The following SCLT1 variants were observed in gnomAD, a reference collection of about 807,000 sequenced individuals.
SCLT1 encodes the protein sodium channel and clathrin linker 1.
A neutral mutation model predicts 112.8 loss-of-function variants in SCLT1; 78 were observed. That is an observed-to-expected ratio of 0.69 (90% CI 0.58 to 0.83). SCLT1 has a LOEUF of 0.83. Among genes scored for constraint, SCLT1 ranks in the 40% least tolerant of loss-of-function variants. SCLT1 has a pLI of 0.00. For synonymous variants in SCLT1, 257 were observed against 254.7 expected, an observed-to-expected ratio of 1.01 and a Z score of -0.09; for missense variants, 747 against 770.4, an observed-to-expected ratio of 0.97 and a Z score of 0.36.
At position 129,024,719 on chromosome 4, in the gene SCLT1, GAGA is replaced by G. The variant is rs1210182795; in HGVS notation, c.290+14319_290+14321del. ...ACAGAGAATGACTTTGACGAGTTGA[GAGA>G]AGAAGGCTTCAGATGATCAAACTAC... On this transcript the variant is annotated intron_variant, in intron 5 of 20. Coordinates refer to ENST00000281142, the MANE Select transcript of SCLT1 (RefSeq NM_144643.4). 3.9e-5 allele frequency among the ~76,000 whole-genome samples: 6 copies of G among 152,288 alleles called. No homozygotes were observed. In the East Asian group the frequency reaches 7.7e-4, roughly 20 times the overall value.
intron 2 of SCLT1, among the ~76,000 whole-genome samples, chr4:129,052,856 G>C (rs755402389): frequency 2.6e-5 from 4 of 152,052 alleles, no homozygotes; most frequent in Non-Finnish European, 4.4e-5. Flanking sequence ...GCTTACTCTT[G>C]TGGGCATTTG....
chr4:129,037,565 G>A (rs988991664), intron 5 of SCLT1: 1 of 152,098 alleles, frequency 6.6e-6, no homozygotes, highest in Non-Finnish European at 1.5e-5. Flanking sequence ...TAATAGGGAT[G>A]GTGGTAGCAC....
At chr4:128,970,529 G>T in intron 9 of SCLT1, 61 bp from the exon 10 acceptor site, 1 of 900,284 alleles carries the variant, frequency 1.1e-6, no homozygotes, top group Non-Finnish European at 1.8e-6. Flanking sequence ...TAAAAAATTA[G>T]AATAGAAATC....
At chr4:128,909,250 A>G (rs1182402919) in intron 18 of SCLT1, among the ~76,000 whole-genome samples, 3 of 151,874 alleles carry the variant, frequency 2.0e-5, no homozygotes, top group Non-Finnish European at 4.4e-5. Flanking sequence ...GCTTATTTTA[A>G]ATTTTCTTTC....
chr4:128,922,048 C>T lies in SCLT1; in HGVS notation c.1829+14607G>A, dbSNP rs113186492. ...CGGCCAACAAGCATATGAAAAAATG[C>T]CCAACATCACTGATCATTAGAGAAA... On this transcript the variant is annotated intron_variant, in intron 18 of 20. Transcript: ENST00000281142. 5.6e-3 allele frequency among the ~76,000 whole-genome samples: 851 copies of T among 152,154 alleles called. 15 individuals are homozygous for T. Among genetic ancestry groups the T allele is most frequent in the African/African-American group, 0.019 (799 of 41,516 alleles).
intron 6 of SCLT1, among the ~76,000 whole-genome samples, chr4:129,000,223 T>G (rs927986380): frequency 6.6e-6 from 1 of 151,790 alleles, no homozygotes; most frequent in South Asian, 2.1e-4. Flanking sequence ...CAGGAGAAAA[T>G]CAGAATCACC....
At chr4:129,059,777 TTC>T (rs1749783429) in intron 2 of SCLT1, among the ~76,000 whole-genome samples, 1 of 152,196 alleles carries the variant, frequency 6.6e-6, no homozygotes, top group Non-Finnish European at 1.5e-5. Context: ...CTTTAGAATT[TTC>T]TCTTTGTCTT....
intron 9 of SCLT1, among the ~76,000 whole-genome samples, chr4:128,976,623 A>G (rs776399742): frequency 6.6e-6 from 1 of 152,212 alleles, no homozygotes. Context: ...ATAGCGCTAT[A>G]GTAATCTTGA....
In SCLT1 at chr4:129,051,634, A is replaced by G. The variant is rs367702877; in HGVS notation, c.103-7583T>C. ...CTTAAAGAGATTTTGGGCTGAGACG[A>G]TGGGGTTTTCTAAATATATAATCAT... is the stretch of plus-strand genomic sequence containing the variant. On this transcript the variant is annotated intron_variant, in intron 2 of 20. Coordinates refer to ENST00000281142, the MANE Select transcript of SCLT1 (RefSeq NM_144643.4). 5.6e-4 allele frequency among the ~76,000 whole-genome samples: 85 copies of G among 152,288 alleles called. No homozygotes were observed. In the East Asian group the frequency reaches 0.016, roughly 28 times the overall value.
chr4:129,016,806 A>T (rs1160773373), intron 5 of SCLT1, among the ~76,000 whole-genome samples: 1 of 152,146 alleles, frequency 6.6e-6, no homozygotes, highest in Non-Finnish European at 1.5e-5. Context: ...CCTTTGCCTT[A>T]TAAGTTTTTC....
chr4:128,955,531 G>A (rs1163817919), intron 13 of SCLT1, among the ~76,000 whole-genome samples: 1 of 152,098 alleles, frequency 6.6e-6, no homozygotes, highest in Non-Finnish European at 1.5e-5. Context: ...ACAGAAATAT[G>A]TGACAATTTA....
chr4:129,020,772 T>G (rs1395176639), intron 5 of SCLT1, among the ~76,000 whole-genome samples: 2 of 152,198 alleles, frequency 1.3e-5, no homozygotes, highest in African/African-American at 2.4e-5. Flanking sequence ...GATCCAGGTA[T>G]GAATATATGT....
intron 2 of SCLT1, among the ~76,000 whole-genome samples, chr4:129,064,498 TAA>T (rs2125739379): frequency 6.6e-6 from 1 of 152,296 alleles, no homozygotes; most frequent in South Asian, 2.1e-4. Flanking sequence ...CATTTTCGTA[TAA>T]GTTTTGAGAT....
chr4:129,058,198 T>C (rs1311961335), intron 2 of SCLT1, among the ~76,000 whole-genome samples: 7 of 152,232 alleles, frequency 4.6e-5, no homozygotes, highest in African/African-American at 1.4e-4. Flanking sequence ...ATCTTTTGTA[T>C]TGGTTTTTTA....
chr4:129,024,637 A>G (rs559611681), intron 5 of SCLT1, among the ~76,000 whole-genome samples: 1 of 152,338 alleles, frequency 6.6e-6, no homozygotes, highest in Admixed American at 6.5e-5. Flanking sequence ...TAAAAAGCAG[A>G]GCGACTCTCC....
intron 11 of SCLT1, among the ~76,000 whole-genome samples, chr4:128,961,962 T>A (rs1237139874): frequency 6.6e-6 from 1 of 152,214 alleles, no homozygotes; most frequent in Non-Finnish European, 1.5e-5. Context: ...GAGGCAGGAT[T>A]TTTTTCTATT....
At chr4:129,053,583 T>TTTTTTTTTTTTTTTTTTTTTTTTC (rs1749054741) in intron 2 of SCLT1, among the ~76,000 whole-genome samples, 1 of 115,308 alleles carries the variant, frequency 8.7e-6, no homozygotes. Context: ...TTTTTTTTTT[T>TTTTTTTTTTTTTTTTTTTTTTTTC]TTTTTTTGCT....
In SCLT1 at chr4:128,891,098, C is replaced by T; in HGVS notation, c.1869G>A (p.Leu623=). ...LSRQKLHTQE[L]LSQLEMANEK... ...CATTTGCCATTTCCAGCTGAGAAAGCAGCTCTTGGGTATGAAGTTTCTGTC... is the reference window on the plus strand; with the variant it reads ...CATTTGCCATTTCCAGCTGAGAAAGTAGCTCTTGGGTATGAAGTTTCTGTC... Residue 623 remains leucine, a synonymous_variant, in exon 19 of 21, where the codon CTG becomes CTA. Transcript: ENST00000281142. The T allele has an allele frequency of 6.2e-7, 1 of 1,613,000 alleles. No homozygotes were observed. The highest frequency in any genetic ancestry group is 1.1e-5 in the South Asian group (1 of 90,818).
At chr4:129,049,009 G>A (rs957137854) in intron 2 of SCLT1, among the ~76,000 whole-genome samples, 1 of 151,882 alleles carries the variant, frequency 6.6e-6, no homozygotes, top group African/African-American at 2.4e-5. Context: ...TGGAGAAATA[G>A]GAACACTTTG....
Sources: gnomAD v4.1 joint callset for allele counts (sites outside exome capture counted in the v4.1 genomes callset) on GRCh38, gnomAD v4.1.1 for gene constraint, MANE v1.5 for transcripts, NCBI Gene and HGNC (gene_info 2026-07-23, HGNC 2026-07-21) for gene names.